Variants in ZNF202 observed in about 807,000 individuals in gnomAD.
ZNF202 encodes the protein zinc finger protein 202.
Under a neutral mutation model 54.5 loss-of-function variants are expected in ZNF202, and 22 were observed. That is an observed-to-expected ratio of 0.40 (90% CI 0.29 to 0.58). The LOEUF is 0.58. ZNF202 is among the 20% of genes least tolerant of loss of function. The pLI is 0.39. For missense variants in ZNF202, 644 were observed against 805.5 expected (o/e 0.80, Z 2.43); for synonymous variants, 294 against 301.4 (o/e 0.98, Z 0.26).
chr11:123,726,114 C>T lies in ZNF202; in HGVS notation c.1830G>A (p.Arg610=), dbSNP rs916567160. Residue 610 remains arginine, a synonymous_variant, in exon 9 of 9, where the codon AGG becomes AGA. Coordinates refer to ENST00000530393, the MANE Select transcript of ZNF202 (RefSeq NM_003455.4). This position sits in a 1 kb window ranked among gnomAD's most constrained non-coding sequence, Gnocchi z 6.0. ...TCTCCCCAGTGTGTGTTCTCTGATG[C>T]CTGACGAGGTGGTCCCTGCGACTGA... ...KSFSRRDHLV[R]HQRTHTGEKP... is the part of the protein sequence containing the mutation. 1.2e-6 allele frequency: 2 copies of T among 1,614,178 alleles called. No homozygotes were observed. Among genetic ancestry groups the T allele is most frequent in the Admixed American group, 3.3e-5 (2 of 60,030 alleles).
Position 123,725,728 on chromosome 11 carries a change from T to C in ZNF202, c.*269A>G, listed in dbSNP as rs1041761349. On this transcript the variant is annotated 3_prime_UTR_variant, in exon 9 of 9. Transcript: ENST00000530393. ...TAAGTCTCTTAGTTCTCCTACTTTA[T>C]ACCCATGAGGTAGAGGCAGGTGCAC... is the stretch of plus-strand genomic sequence containing the variant. 4 of 439,230 alleles carry C rather than the reference T, an allele frequency of 9.1e-6. No individual in the cohort carries two copies. Among genetic ancestry groups the C allele is most frequent in the East Asian group, 3.6e-5 (1 of 27,412 alleles). 27.2% of individuals were successfully genotyped at this position (439,230 alleles called of 1,614,324 possible).
Position 123,728,167 on chromosome 11 carries a change from G to A in ZNF202, c.798C>T (p.Val266=), listed in dbSNP as rs1349855859. Residue 266 remains valine (V), a synonymous_variant, in exon 7 of 9, where the codon GTC becomes GTT. Coordinates refer to ENST00000530393, the MANE Select transcript of ZNF202 (RefSeq NM_003455.4). ...CAACAATTCCACAGTCTTCTTCCAA[G>A]ACATATTCTCCATAGAACTCTTTCT... is the stretch of plus-strand genomic sequence containing the variant. ...PTQKEFYGEY[V]LEEDCGIVVS... 1 of 1,612,442 alleles carries A rather than the reference G, an allele frequency of 6.2e-7. No individual in the cohort carries two copies. Among genetic ancestry groups the A allele is most frequent in the South Asian group, 1.1e-5 (1 of 90,970 alleles).
intron 6 of ZNF202, 95 bp downstream of exon 6, chr11:123,729,031 T>G: frequency 1.6e-6 from 2 of 1,254,284 alleles, no homozygotes; most frequent in Non-Finnish European, 2.3e-6. Flanking sequence ...CTGGCAAGAG[T>G]GTAAATGTGC....
At position 123,726,356 on chromosome 11, in the gene ZNF202, T is replaced by C; in HGVS notation, c.1588A>G (p.Ile530Val). The C allele has an allele frequency of 6.2e-7, 1 of 1,614,232 alleles. No individual in the cohort carries two copies. The highest frequency in any genetic ancestry group is 8.5e-7 in the Non-Finnish European group (1 of 1,180,038). The change falls in exon 9 of 9, where the codon ATC becomes GTC. Residue 530 changes from isoleucine (I) to valine (V), a missense_variant. By Grantham distance (29) the Ile-to-Val change is conservative (BLOSUM62 3). Coordinates refer to ENST00000530393, the MANE Select transcript of ZNF202 (RefSeq NM_003455.4). This position sits in a 1 kb window ranked among gnomAD's most constrained non-coding sequence, Gnocchi z 6.0. ...QKSVLTTHQR[I>V]HLGGKPYLCG... ...AAGTAGGGTTTGCCTCCCAGGTGGA[T>C]TCTTTGGTGTGTTGTTAACACAGAT...
intron 3 of ZNF202, among the ~76,000 whole-genome samples, chr11:123,735,902 T>C (rs1221408873): frequency 1.3e-5 from 2 of 152,352 alleles, no homozygotes; most frequent in Admixed American, 6.5e-5. Flanking sequence ...TCAATGTCTG[T>C]CCTTGGAAGA....
intron 3 of ZNF202, among the ~76,000 whole-genome samples, chr11:123,732,691 T>C (rs1294399893): frequency 6.6e-6 from 1 of 152,202 alleles, no homozygotes; most frequent in African/African-American, 2.4e-5. Context: ...TGAAACTCTT[T>C]GAGGTCAGAG....
At position 123,725,985 on chromosome 11, in the gene ZNF202, A is replaced by C. The variant is rs749242517; in HGVS notation, c.*12T>G. ...GAGGGCTGAAAGCAGATCTCCTCAC[A>C]TGGGGACCTAGCTAGGAGGTCTTTT... is the stretch of plus-strand genomic sequence containing the variant. On this transcript the variant is annotated 3_prime_UTR_variant, in exon 9 of 9. Transcript: ENST00000530393. 6.2e-7 allele frequency: 1 copy of C among 1,601,874 alleles called. No individual in the cohort carries two copies. The highest frequency in any genetic ancestry group is 8.5e-7 in the Non-Finnish European group (1 of 1,172,758).
At chr11:123,729,069 T>C in intron 6 of ZNF202, 57 bp downstream of exon 6, 1 of 1,569,256 alleles carries the variant, frequency 6.4e-7, no homozygotes, top group South Asian at 1.1e-5. Flanking sequence ...TAGTATGGCT[T>C]ATGCCCAGTG....
rs1861368675 is a variant in ZNF202 at position 123,730,732 on chromosome 11, G to A, written c.157C>T (p.Arg53Cys). ...ETSHQNFRRF[R>C]YQEAASPREA... ...CTAGGGCTTGCTGCCTCCTGGTAGC[G>A]GAAGCGTCGGAAGTTCTGGTGGGAG... is the stretch of plus-strand genomic sequence containing the variant. The change falls in exon 4 of 9, where the codon CGC (arginine) becomes TGC (cysteine). Residue 53 changes from arginine (R) to cysteine (C), a missense_variant. Physicochemically the swap from Arg to Cys is radical, Grantham distance 180. This residue lies in a region of ZNF202 where 62 missense variants were observed against 122.8 expected (regional missense o/e 0.50). Coordinates refer to ENST00000530393, the MANE Select transcript of ZNF202 (RefSeq NM_003455.4). This position sits in a 1 kb window ranked among gnomAD's most constrained non-coding sequence, Gnocchi z 6.0. The A allele has an allele frequency of 1.9e-6, 3 of 1,614,120 alleles. No individual in the cohort carries two copies. Among genetic ancestry groups the A allele is most frequent in the Non-Finnish European group, 2.5e-6 (3 of 1,180,042 alleles).
In ZNF202 at chr11:123,730,339, C is replaced by T. The variant is rs575678939; in HGVS notation, c.402+148G>A. ...GTCACATTCATACACACACATCCCCCTAATCCATGGGGCTCATGGTATATG... is the reference window on the plus strand; with the variant it reads ...GTCACATTCATACACACACATCCCCTTAATCCATGGGGCTCATGGTATATG... On this transcript the variant is annotated intron_variant, in intron 4 of 8. Transcript: ENST00000530393. The surrounding 1 kb of genome is among the most constrained non-coding windows in gnomAD (Gnocchi z 6.0). The T allele has an allele frequency of 3.1e-6, 3 of 968,104 alleles. No individual in the cohort carries two copies. Among genetic ancestry groups the T allele is most frequent in the Admixed American group, 2.8e-5 (1 of 35,912 alleles). 60.0% of individuals were successfully genotyped at this position (968,104 alleles called of 1,614,324 possible). A position where few individuals can be genotyped will look rare whatever the true frequency, so the allele number is the denominator to read the frequency against.
At position 123,739,200 on chromosome 11, in the gene ZNF202, G is replaced by T. The variant is rs141807454; in HGVS notation, c.-98+917C>A. ...GCTCCTGGGTAATAAACCATTCACA[G>T]GGATAGCTGTAGGAATTTGGCATAA... is the stretch of plus-strand genomic sequence containing the variant. On this transcript the variant is annotated intron_variant, in intron 3 of 8. Transcript: ENST00000530393. Among the ~76,000 whole-genome samples the T allele has an allele frequency of 3.3e-5, 5 of 152,260 alleles. No individual in the cohort carries two copies. In the East Asian group the frequency reaches 9.6e-4, roughly 29 times the overall value.
At chr11:123,732,261 G>A (rs1241372515) in intron 3 of ZNF202, among the ~76,000 whole-genome samples, 1 of 152,108 alleles carries the variant, frequency 6.6e-6, no homozygotes, top group African/African-American at 2.4e-5. Context: ...CTTGGCAAAC[G>A]TGCTCATGTC....
rs79414971 is a variant in ZNF202 at position 123,736,686 on chromosome 11, C to T, written c.-98+3431G>A. On this transcript the variant is annotated intron_variant, in intron 3 of 8. Transcript: ENST00000530393. ...CACATAATGGTTAGTGGCCTTGGCACGCTGGGTTTGAATCCCTGACCTCGA... is the reference window on the plus strand; with the variant it reads ...CACATAATGGTTAGTGGCCTTGGCATGCTGGGTTTGAATCCCTGACCTCGA... Among the ~76,000 whole-genome samples the T allele has an allele frequency of 1.1e-4, 17 of 152,288 alleles. No homozygotes were observed. In the East Asian group the frequency reaches 2.3e-3, roughly 21 times the overall value.
At position 123,730,006 on chromosome 11, in the gene ZNF202, C is replaced by G. The variant is rs780929284; in HGVS notation, c.403-181G>C. On this transcript the variant is annotated intron_variant, in intron 4 of 8. Transcript: ENST00000530393. The surrounding 1 kb of genome is among the most constrained non-coding windows in gnomAD (Gnocchi z 6.0). ...GAGCTGAAGGTTATCCTCCCCAGGA[C>G]AAGGCAGGGGATGCGCAGGCCTGCA... 3.3e-5 allele frequency among the ~76,000 whole-genome samples: 5 copies of G among 152,144 alleles called. No homozygotes were observed. Among genetic ancestry groups the G allele is most frequent in the Non-Finnish European group, 7.4e-5 (5 of 68,004 alleles).
At chr11:123,735,245 C>T (rs536416298) in intron 3 of ZNF202, among the ~76,000 whole-genome samples, 2 of 152,284 alleles carry the variant, frequency 1.3e-5, no homozygotes, top group African/African-American at 4.8e-5. Flanking sequence ...GTGAAGTAGA[C>T]TTGGAATCCT....
chr11:123,727,137 G>T, intron 8 of ZNF202, 146 bp from the exon 9 acceptor site: 1 of 1,077,066 alleles, frequency 9.3e-7, no homozygotes, highest in Non-Finnish European at 1.3e-6. Flanking sequence ...ATATTGTTAT[G>T]CTATCAACAA....
intron 1 of ZNF202, among the ~76,000 whole-genome samples, chr11:123,741,275 C>T (rs1390495364): frequency 6.6e-6 from 1 of 152,030 alleles, no homozygotes; most frequent in Non-Finnish European, 1.5e-5. Context: ...CAGGAGGGGG[C>T]GGAGGGCGGT....
At chr11:123,727,350 G>T in intron 8 of ZNF202, 126 bp downstream of exon 8, 2 of 1,318,932 alleles carry the variant, frequency 1.5e-6, no homozygotes, top group Non-Finnish European at 2.1e-6. Flanking sequence ...GCTGTCAGAG[G>T]GAGAAAGCAG....
chr11:123,725,724 T>C lies in ZNF202; in HGVS notation c.*273A>G, dbSNP rs531986088. The C allele has an allele frequency of 2.3e-6, 1 of 429,656 alleles. No homozygotes were observed. Among genetic ancestry groups the C allele is most frequent in the Non-Finnish European group, 4.2e-6 (1 of 240,386 alleles). The allele number at this position is 429,656 out of a possible 1,614,324, so 26.6% of individuals were successfully genotyped here. A position where few individuals can be genotyped will look rare whatever the true frequency, so the allele number is the denominator to read the frequency against. The stretch of plus-strand genomic sequence containing the variant: ...CTCTTAAGTCTCTTAGTTCTCCTAC[T>C]TTATACCCATGAGGTAGAGGCAGGT... On this transcript the variant is annotated 3_prime_UTR_variant, in exon 9 of 9. Transcript: ENST00000530393.
Sources: allele counts gnomAD v4.1 joint callset (sites outside exome capture counted in the v4.1 genomes callset), GRCh38; gene constraint gnomAD v4.1.1; regional missense constraint gnomAD v4.1.1; non-coding constraint Gnocchi (gnomAD v3.1); transcripts MANE v1.5; gene names NCBI Gene and HGNC (gene_info 2026-07-23, HGNC 2026-07-21).